CRTC3: variants seen among roughly 807,000 people sequenced by gnomAD.
CRTC3 encodes CREB regulated transcription coactivator 3, also known as CREB-regulated transcription coactivator 3.
Under a neutral mutation model 74.5 loss-of-function variants are expected in CRTC3, and 26 were observed. The ratio of observed to expected loss-of-function variants is 0.35; its 90% CI spans 0.26 to 0.48. CRTC3 has a LOEUF of 0.48. CRTC3 is among the 20% of genes least tolerant of loss of function. The probability of loss-of-function intolerance (pLI) is 0.99; values close to 1 mark genes in which losing one functional copy is unlikely to be tolerated. For missense variants in CRTC3, 760 were observed against 787.3 expected (o/e 0.97, Z 0.41); for synonymous variants, 377 against 325.8 (o/e 1.16, Z -1.69).
At chr15:90,579,706 A>G (rs1410204151) in intron 2 of CRTC3, among the ~76,000 whole-genome samples, 5 of 143,638 alleles carry the variant, frequency 3.5e-5, no homozygotes, top group East Asian at 4.0e-4. Flanking sequence ...CAATGGCACA[A>G]TCTTGGCTCA....
chr15:90,627,602 A>G (rs1036662948), intron 10 of CRTC3, among the ~76,000 whole-genome samples: 3 of 151,638 alleles, frequency 2.0e-5, no homozygotes, highest in Admixed American at 6.6e-5. Flanking sequence ...GTCAGAACCA[A>G]TGTCAGTTTC....
intron 3 of CRTC3, among the ~76,000 whole-genome samples, chr15:90,597,305 A>G (rs1271833025): frequency 3.9e-5 from 6 of 152,386 alleles, no homozygotes; most frequent in Admixed American, 2.6e-4. Context: ...CTTCTGAACT[A>G]TTAACATAAA....
intron 11 of CRTC3, among the ~76,000 whole-genome samples, chr15:90,632,761 C>T (rs994877026): frequency 3.3e-5 from 5 of 152,248 alleles, no homozygotes; most frequent in South Asian, 4.1e-4. Context: ...TGTGCCACGA[C>T]GCCTGGCTAC....
chr15:90,579,681 A>G (rs4932349), intron 2 of CRTC3, among the ~76,000 whole-genome samples: 114,933 of 137,694 alleles, frequency 0.83, 47,906 homozygotes, highest in African/African-American at 0.95. Context: ...TTGTTCTGTT[A>G]CCCAGGCTGG....
intron 5 of CRTC3, among the ~76,000 whole-genome samples, chr15:90,605,770 A>T (rs1341109876): frequency 1.3e-5 from 2 of 152,192 alleles, no homozygotes; most frequent in Non-Finnish European, 2.9e-5. Context: ...ACAAAGAAGC[A>T]CTGTAGGCTA....
intron 1 of CRTC3, among the ~76,000 whole-genome samples, chr15:90,536,798 C>A (rs1567157293): frequency 6.6e-6 from 1 of 152,116 alleles, no homozygotes; most frequent in East Asian, 1.9e-4. Context: ...CCTGGGCCAT[C>A]GTGAAGGGAT....
At chr15:90,634,900 A>G in intron 11 of CRTC3, 2 of 1,572,574 alleles carry the variant, frequency 1.3e-6, no homozygotes, top group Non-Finnish European at 1.7e-6. Flanking sequence ...AAGGCTGGAG[A>G]GATTCAACCA....
chr15:90,571,620 T>TA (rs1421934364), intron 2 of CRTC3, among the ~76,000 whole-genome samples: 1 of 152,186 alleles, frequency 6.6e-6, no homozygotes, highest in Non-Finnish European at 1.5e-5. Flanking sequence ...CTTGCTCACT[T>TA]ATTTATTCTT....
At chr15:90,559,365 C>T (rs531723909) in intron 2 of CRTC3, among the ~76,000 whole-genome samples, 10 of 152,260 alleles carry the variant, frequency 6.6e-5, no homozygotes, top group African/African-American at 1.9e-4. Context: ...GGACCTGAGC[C>T]ACCACACAAG....
chr15:90,572,033 G>A (rs566564578), intron 2 of CRTC3, among the ~76,000 whole-genome samples: 1 of 152,030 alleles, frequency 6.6e-6, no homozygotes, highest in African/African-American at 2.4e-5. Context: ...ATGGTGGTGT[G>A]TGCCTGTAAT....
rs769414494 is a variant in CRTC3, at chr15:90,642,021, C to A, written c.1741C>A (p.Leu581Met). The A allele has an allele frequency of 1.1e-5, 17 of 1,613,714 alleles. No individual in the cohort carries two copies. The Admixed American group carries it at 2.8e-4, about 27-fold the overall frequency. ...VSLNVDTPFP[L>M]EEELQIEPLS... Reference sequence around the variant, plus strand: ...CCTGAACGTGGACACTCCATTTCCACTGGAAGAGGAGCTGCAGATTGAACC... The same window carrying A: ...CCTGAACGTGGACACTCCATTTCCAATGGAAGAGGAGCTGCAGATTGAACC... Residue 581 changes from leucine to methionine, a missense_variant, in exon 15 of 15, where the codon CTG becomes ATG. Around this residue, in one of 2 missense-constraint regions of CRTC3, gnomAD observed 652 missense variants for 635.2 expected, o/e 1.03. Transcript: ENST00000268184.
chr15:90,568,652 C>T (rs1274744470), intron 2 of CRTC3, among the ~76,000 whole-genome samples: 1 of 152,058 alleles, frequency 6.6e-6, no homozygotes, highest in African/African-American at 2.4e-5. Context: ...AATTTTGAAA[C>T]AAGTTCTATT....
At position 90,579,025 on chromosome 15, in the gene CRTC3, T is replaced by C. The variant is rs1375072724; in HGVS notation, c.232-14611T>C. Among the ~76,000 whole-genome samples the C allele has an allele frequency of 2.6e-5, 4 of 152,150 alleles. No individual in the cohort carries two copies. In the East Asian group the frequency reaches 7.7e-4, roughly 29 times the overall value. Reference sequence around the variant, plus strand: ...TTATCTCATTATCTGAGGGTTGGTTTTGCATATGTAGATTCAACCAATTAC... The same window carrying C: ...TTATCTCATTATCTGAGGGTTGGTTCTGCATATGTAGATTCAACCAATTAC... On this transcript the variant is annotated intron_variant, in intron 2 of 14. Transcript: ENST00000268184.
chr15:90,548,075 G>T (rs945821988), intron 2 of CRTC3, among the ~76,000 whole-genome samples: 10 of 151,880 alleles, frequency 6.6e-5, no homozygotes, highest in Non-Finnish European at 1.2e-4. Context: ...TTTTTGTAGA[G>T]ATAGAGTTTC....
At chr15:90,564,555 C>T (rs995902736) in intron 2 of CRTC3, among the ~76,000 whole-genome samples, 3 of 152,100 alleles carry the variant, frequency 2.0e-5, no homozygotes, top group African/African-American at 4.8e-5. Flanking sequence ...ACAAAGGCCC[C>T]GAGACTAGTC....
Position 90,642,065 on chromosome 15 carries a change from C to G in CRTC3, c.1785C>G (p.Leu595=). ...LQIEPLSLDG[L]NMLSDSSMGL... ...TTGAACCCCTGAGCCTGGACGGACT[C>G]AACATGTTAAGTGACTCCAGCATGG... The change falls in exon 15 of 15, where the codon CTC becomes CTG. Residue 595 remains leucine, a synonymous_variant. Coordinates refer to ENST00000268184, the MANE Select transcript of CRTC3 (RefSeq NM_022769.5). 6.2e-7 allele frequency: 1 copy of G among 1,613,994 alleles called. No homozygotes were observed. The highest frequency in any genetic ancestry group is 8.5e-7 in the Non-Finnish European group (1 of 1,180,004).
At chr15:90,619,642 T>C in intron 8 of CRTC3, 99 bp from the exon 9 acceptor site, 1 of 924,462 alleles carries the variant, frequency 1.1e-6, no homozygotes, top group Non-Finnish European at 1.8e-6. Flanking sequence ...AGCTCTCACT[T>C]GCGCCCACTA....
At chr15:90,556,507 A>G (rs935230083) in intron 2 of CRTC3, among the ~76,000 whole-genome samples, 6 of 152,224 alleles carry the variant, frequency 3.9e-5, no homozygotes, top group African/African-American at 1.4e-4. Flanking sequence ...GAATGACTCC[A>G]AAGTTCATGA....
intron 2 of CRTC3, among the ~76,000 whole-genome samples, chr15:90,563,352 G>A (rs562137495): frequency 1.3e-5 from 2 of 152,266 alleles, no homozygotes; most frequent in Admixed American, 1.3e-4. Context: ...GTTGCAGTGA[G>A]TAGAGATCAC....
Sources: gnomAD v4.1 joint callset for allele counts (sites outside exome capture counted in the v4.1 genomes callset) on GRCh38, gnomAD v4.1.1 for gene constraint, gnomAD v4.1.1 regional missense constraint, MANE v1.5 for transcripts, NCBI Gene and HGNC (gene_info 2026-07-23, HGNC 2026-07-21) for gene names.